The following TENM3 variants were observed in gnomAD, a reference collection of about 807,000 sequenced individuals.
The protein encoded by TENM3 is teneurin transmembrane protein 3.
A neutral mutation model predicts 255.1 loss-of-function variants in TENM3; 63 were observed. The ratio of observed to expected loss-of-function variants is 0.25; its 90% CI spans 0.20 to 0.30. The LOEUF (loss-of-function observed/expected upper bound fraction) is 0.30. Among genes scored for constraint, TENM3 ranks in the 10% least tolerant of loss-of-function variants. The pLI is 1.00. For synonymous variants in TENM3, 1,306 were observed against 1,322.3 expected, an observed-to-expected ratio of 0.99 and a Z score of 0.27; for missense variants, 2,929 against 3,461.1, an observed-to-expected ratio of 0.85 and a Z score of 3.86.
At chr4:181,915,806 T>C in the TENM3 span, among the ~76,000 whole-genome samples, 5 of 151,936 alleles carry the variant, frequency 3.3e-5, no homozygotes, top group Admixed American at 3.3e-4. Flanking sequence ...TGTGTATCAC[T>C]GGAAAAGGCT....
chr4:182,441,415 A>T (rs1772475145), intron 3 of TENM3, among the ~76,000 whole-genome samples: 1 of 152,186 alleles, frequency 6.6e-6, no homozygotes, highest in Admixed American at 6.5e-5. Context: ...TCAGCAAGCA[A>T]TTTTTTAAAA....
intron 5 of TENM3, among the ~76,000 whole-genome samples, chr4:182,630,001 C>T (rs147363727): frequency 9.5e-4 from 145 of 152,228 alleles, no homozygotes; most frequent in African/African-American, 3.3e-3. Flanking sequence ...AATTTTTTGA[C>T]CATGGAAGAC....
At chr4:182,300,285 GA>G (rs1761774476) in intron 1 of TENM3, among the ~76,000 whole-genome samples, 1 of 140,326 alleles carries the variant, frequency 7.1e-6, no homozygotes, top group African/African-American at 2.5e-5. Context: ...AAAGGAAACA[GA>G]AAGAAAGGAA....
At chr4:182,470,467 G>A (rs2151447518) in intron 3 of TENM3, among the ~76,000 whole-genome samples, 1 of 152,224 alleles carries the variant, frequency 6.6e-6, no homozygotes, top group African/African-American at 2.4e-5. Context: ...TAAGCATCTG[G>A]ACTTCAACCT....
At chr4:181,606,229 C>T in the TENM3 span, among the ~76,000 whole-genome samples, 1 of 152,190 alleles carries the variant, frequency 6.6e-6, no homozygotes, top group East Asian at 1.9e-4. Context: ...CTCCAATCTA[C>T]TGGAGCAGCC....
chr4:182,688,205 TG>T lies in TENM3; in HGVS notation c.2082del (p.Thr695ArgfsTer81). 6.2e-7 allele frequency: 1 copy of T among 1,613,480 alleles called. No homozygotes were observed. The highest frequency in any genetic ancestry group is 1.7e-5 in the Admixed American group (1 of 59,964). On this transcript the variant is annotated frameshift_variant, in exon 12 of 28. Transcript: ENST00000511685. LOFTEE classifies it high-confidence loss of function. ...SVDCGSHGVC[M>X]GGTCRCEEGW... The stretch of plus-strand genomic sequence containing the variant: ...GACTGTGGCTCACACGGCGTTTGCA[TG>T]GGGGGGACGTGTCGCTGTGAAGAAG...
At chr4:182,765,863 G>A (rs1289091151) in intron 22 of TENM3, among the ~76,000 whole-genome samples, 1 of 152,126 alleles carries the variant, frequency 6.6e-6, no homozygotes, top group African/African-American at 2.4e-5. Flanking sequence ...ATAGGCCCCT[G>A]TCAAGGTGTA....
chr4:182,742,094 A>C (rs1335822686), intron 18 of TENM3, among the ~76,000 whole-genome samples: 1 of 152,260 alleles, frequency 6.6e-6, no homozygotes, highest in East Asian at 1.9e-4. Context: ...TGGTGTATAC[A>C]GATGATAACA....
At chr4:182,523,674 G>T (rs1461016054) in intron 3 of TENM3, among the ~76,000 whole-genome samples, 1 of 152,142 alleles carries the variant, frequency 6.6e-6, no homozygotes, top group African/African-American at 2.4e-5. Flanking sequence ...ATTTGAAGCT[G>T]CTTGTGTTAG....
At chr4:181,486,523 A>G in the TENM3 span, among the ~76,000 whole-genome samples, 1 of 152,338 alleles carries the variant, frequency 6.6e-6, no homozygotes, top group Admixed American at 6.5e-5. Context: ...ATTAGCTTGC[A>G]CTTGGCTTAT....
chr4:181,642,905 T>C, the TENM3 span, among the ~76,000 whole-genome samples: 2 of 152,204 alleles, frequency 1.3e-5, no homozygotes, highest in African/African-American at 4.8e-5. Context: ...TTGGTTACTG[T>C]AGCCTTGTAG....
chr4:181,882,139 C>A, the TENM3 span, among the ~76,000 whole-genome samples: 95 of 152,214 alleles, frequency 6.2e-4, no homozygotes, highest in Non-Finnish European at 1.2e-3. Context: ...CTGCAGAGTT[C>A]GGCTGCAAGA....
In TENM3 at chr4:182,660,168, A is replaced by G. The variant is rs577759791; in HGVS notation, c.1111+6275A>G. Reference sequence around the variant, plus strand: ...CTATTTAATGCATCTCATCTTTACTAGACTATAAGGCAAGGATCCTGTCTG... The same window carrying G: ...CTATTTAATGCATCTCATCTTTACTGGACTATAAGGCAAGGATCCTGTCTG... On this transcript the variant is annotated intron_variant, in intron 6 of 27. Transcript: ENST00000511685. 2.6e-5 allele frequency among the ~76,000 whole-genome samples: 4 copies of G among 152,338 alleles called. No homozygotes were observed. The South Asian group carries it at 8.3e-4, about 32-fold the overall frequency.
At chr4:181,592,352 T>A in the TENM3 span, among the ~76,000 whole-genome samples, 11 of 127,924 alleles carry the variant, frequency 8.6e-5, no homozygotes, top group South Asian at 1.3e-3. Context: ...TTTTTTTTTT[T>A]AAATCAAGAT....
At chr4:182,112,971 T>C in the TENM3 span, among the ~76,000 whole-genome samples, 1 of 152,212 alleles carries the variant, frequency 6.6e-6, no homozygotes, top group Non-Finnish European at 1.5e-5. Flanking sequence ...CATCAGTATT[T>C]AATAATGTTA....
the TENM3 span, among the ~76,000 whole-genome samples, chr4:181,936,278 C>G: frequency 2.6e-5 from 4 of 152,028 alleles, no homozygotes; most frequent in African/African-American, 9.7e-5. Context: ...GCCTGTCGTC[C>G]CAGCTACTCG....
the TENM3 span, among the ~76,000 whole-genome samples, chr4:181,478,971 A>G: frequency 6.6e-6 from 1 of 152,214 alleles, no homozygotes; most frequent in Admixed American, 6.5e-5. Flanking sequence ...GCACATTCTT[A>G]TGCAAGTTTT....
At chr4:182,245,819 G>T (rs541665749) in intron 1 of TENM3, among the ~76,000 whole-genome samples, 4 of 152,142 alleles carry the variant, frequency 2.6e-5, no homozygotes, top group Non-Finnish European at 4.4e-5. Context: ...TAACTTTTCC[G>T]TTGATGAGCA....
chr4:182,448,790 G>A (rs1282362201), intron 3 of TENM3, among the ~76,000 whole-genome samples: 2 of 151,438 alleles, frequency 1.3e-5, no homozygotes, highest in African/African-American at 4.9e-5. Flanking sequence ...CGGCCCGCGT[G>A]TGTGGAGCGG....
Sources: gnomAD v4.1 joint callset for allele counts (sites outside exome capture counted in the v4.1 genomes callset) on GRCh38, gnomAD v4.1.1 for gene constraint, MANE v1.5 for transcripts, NCBI Gene and HGNC (gene_info 2026-07-23, HGNC 2026-07-21) for gene names.